MTR: variants seen among roughly 807,000 people sequenced by gnomAD.
MTR encodes 5-methyltetrahydrofolate-homocysteine methyltransferase.
Under a neutral mutation model 154.8 loss-of-function variants are expected in MTR, and 84 were observed. The ratio of observed to expected loss-of-function variants is 0.54; its 90% confidence interval spans 0.45 to 0.65. The LOEUF (loss-of-function observed/expected upper bound fraction) is 0.65, where lower values mean the gene tolerates loss of function less well. MTR is among the 30% of genes least tolerant of loss of function. The pLI is 0.00. For synonymous variants in MTR, 554 were observed against 553.9 expected (o/e 1.00, Z 0.00); for missense variants, 1,275 against 1,570.2 (o/e 0.81, Z 3.18).
intron 10 of MTR, among the ~76,000 whole-genome samples, chr1:236,826,470 A>AT (rs1378892643): frequency 6.6e-6 from 1 of 151,970 alleles, no homozygotes; most frequent in Non-Finnish European, 1.5e-5. Context: ...TAATTTTTAA[A>AT]TTTTTTGTAG....
Position 236,885,796 on chromosome 1 carries a change from G to T in MTR, c.2776-496G>T, listed in dbSNP as rs546135392. ...TTCTGGGCTTTGGTGGGAGCATTTT[G>T]GGAGTTGCTAGGCAAGTGAAATGAG... On this transcript the variant is annotated intron_variant, in intron 26 of 32. Transcript: ENST00000366577. Among the ~76,000 whole-genome samples the T allele has an allele frequency of 3.3e-5, 5 of 152,306 alleles. No individual in the cohort carries two copies. The South Asian group carries it at 1.0e-3, about 32-fold the overall frequency.
chr1:236,844,747 C>T (rs1203471930), intron 15 of MTR, among the ~76,000 whole-genome samples: 1 of 152,008 alleles, frequency 6.6e-6, no homozygotes, highest in Non-Finnish European at 1.5e-5. Flanking sequence ...GATGTGCTGG[C>T]GGGAGTCTAT....
chr1:236,838,051 TAATC>T (rs1285293165), intron 14 of MTR, among the ~76,000 whole-genome samples: 2 of 152,216 alleles, frequency 1.3e-5, no homozygotes. Context: ...GGCTAAACCT[TAATC>T]CCTGAGTCAG....
chr1:236,825,400 G>C lies in MTR; in HGVS notation c.927+1G>C, dbSNP rs1572218599. 6.2e-7 allele frequency: 1 copy of C among 1,612,220 alleles called. No individual in the cohort carries two copies. The highest frequency in any genetic ancestry group is 8.5e-7 in the Non-Finnish European group (1 of 1,178,350). ...TTCTATGATGGCCAAGCACCTAAAG[G>C]TCAGGGGTCCCCCTTTCACTGGCTT... On this transcript the variant is annotated splice_donor_variant, in intron 10 of 32. Transcript: ENST00000366577. LOFTEE classifies it high-confidence loss of function.
intron 22 of MTR, 51 bp downstream of exon 22, chr1:236,863,605 G>A: frequency 6.7e-7 from 1 of 1,491,536 alleles, no homozygotes. Context: ...AAAAATGAAA[G>A]CCTTTTAACA....
At chr1:236,799,942 T>A in intron 1 of MTR, 1 of 482,596 alleles carries the variant, frequency 2.1e-6, no homozygotes, top group Non-Finnish European at 2.7e-6. Context: ...GCTTTTGATC[T>A]CTTGCCTATA....
intron 19 of MTR, among the ~76,000 whole-genome samples, chr1:236,860,360 C>T (rs1347484228): frequency 6.6e-6 from 1 of 151,536 alleles, no homozygotes; most frequent in Non-Finnish European, 1.5e-5. Flanking sequence ...CTCTTGGCTT[C>T]AGTTTCCTCA....
chr1:236,810,479 A>T (rs189451707), intron 4 of MTR, 24 bp from the exon 5 acceptor site: 38 of 1,594,266 alleles, frequency 2.4e-5, no homozygotes. Flanking sequence ...TAGAGATCTC[A>T]CACTTGTTTT....
At position 236,795,634 on chromosome 1, in the gene MTR, T is replaced by TG. The variant is rs770881802; in HGVS notation, c.-68dup. On this transcript the variant is annotated 5_prime_UTR_variant, in exon 1 of 33. Coordinates refer to ENST00000366577, the MANE Select transcript of MTR (RefSeq NM_000254.3). ...GCCTGGCGCTGGCTGGCGTGGCCCT[T>TG]GGCCGTCGTCACCTGTGGAGAGCAC... is the stretch of plus-strand genomic sequence containing the variant. 6.2e-7 allele frequency: 1 copy of TG among 1,608,764 alleles called. No individual in the cohort carries two copies. Among genetic ancestry groups the TG allele is most frequent in the Admixed American group, 1.7e-5 (1 of 59,888 alleles).
At chr1:236,896,699 G>A (rs555074066) in intron 31 of MTR, among the ~76,000 whole-genome samples, 1 of 152,260 alleles carries the variant, frequency 6.6e-6, no homozygotes. Flanking sequence ...AGAAGGTCTA[G>A]GCTTAGGAGC....
intron 28 of MTR, 117 bp downstream of exon 28, chr1:236,889,453 T>G (rs1245181968): frequency 5.8e-6 from 8 of 1,384,184 alleles, no homozygotes; most frequent in Non-Finnish European, 8.1e-6. Context: ...ACGGCTGCTT[T>G]CATATTGCTC....
At chr1:236,875,207 G>C (rs746252401) in intron 24 of MTR, among the ~76,000 whole-genome samples, 3 of 152,148 alleles carry the variant, frequency 2.0e-5, no homozygotes, top group Non-Finnish European at 4.4e-5. Flanking sequence ...ATCATTACTT[G>C]AACTTTTGCC....
chr1:236,849,914 C>G (rs1488537429), intron 15 of MTR, among the ~76,000 whole-genome samples: 1 of 152,158 alleles, frequency 6.6e-6, no homozygotes, highest in Non-Finnish European at 1.5e-5. Flanking sequence ...GGTTGTGACA[C>G]TGCTGTCAGG....
At chr1:236,893,843 C>G (rs1315956883) in intron 29 of MTR, among the ~76,000 whole-genome samples, 5 of 152,108 alleles carry the variant, frequency 3.3e-5, no homozygotes, top group African/African-American at 1.2e-4. Flanking sequence ...GACCCTTGAC[C>G]CCACCCCACA....
chr1:236,881,272 C>T (rs970333429), intron 25 of MTR, among the ~76,000 whole-genome samples: 3 of 152,122 alleles, frequency 2.0e-5, no homozygotes, highest in South Asian at 4.1e-4. Context: ...TATTTAAAAC[C>T]CAGAACAGTG....
intron 4 of MTR, among the ~76,000 whole-genome samples, chr1:236,809,647 C>T (rs929572807): frequency 2.6e-5 from 4 of 152,178 alleles, no homozygotes; most frequent in East Asian, 3.9e-4. Context: ...CTTATACCCA[C>T]GTTATTGGTT....
intron 22 of MTR, among the ~76,000 whole-genome samples, chr1:236,866,354 C>G (rs1664823921): frequency 6.6e-6 from 1 of 152,034 alleles, no homozygotes; most frequent in Non-Finnish European, 1.5e-5. Context: ...TGAACCACAC[C>G]CATAGAAGAT....
At chr1:236,889,969 C>T (rs1478018284) in intron 28 of MTR, among the ~76,000 whole-genome samples, 1 of 152,038 alleles carries the variant, frequency 6.6e-6, no homozygotes, top group Non-Finnish European at 1.5e-5. Flanking sequence ...TTACTACCCC[C>T]ACTTCTCACT....
intron 15 of MTR, among the ~76,000 whole-genome samples, chr1:236,839,665 T>TA (rs1167258977): frequency 1.3e-5 from 2 of 152,202 alleles, no homozygotes; most frequent in East Asian, 3.8e-4. Flanking sequence ...GGTACCTATT[T>TA]AAAACCACTA....
Sources: gnomAD v4.1 joint callset for allele counts (sites outside exome capture counted in the v4.1 genomes callset) on GRCh38, gnomAD v4.1.1 for gene constraint, MANE v1.5 for transcripts, NCBI Gene and HGNC (gene_info 2026-07-23, HGNC 2026-07-21) for gene names.